FGF14: variants seen among roughly 807,000 people sequenced by gnomAD.
FGF14 encodes fibroblast growth factor 14, also known as fibroblast growth factor homologous factor 4.
A neutral mutation model predicts 25.5 loss-of-function variants in FGF14; 5 were observed. The ratio of observed to expected loss-of-function variants is 0.20; its 90% CI spans 0.10 to 0.41. The LOEUF is 0.41. Ranked by LOEUF, FGF14 falls within the 10% of genes least tolerant of loss-of-function variation. The probability of loss-of-function intolerance (pLI) is 1.00; values close to 1 mark genes in which losing one functional copy is unlikely to be tolerated. For synonymous variants in FGF14, 138 were observed against 118.3 expected (o/e 1.17, Z -1.08); for missense variants, 222 against 320.1 (o/e 0.69, Z 2.34).
chr13:102,326,754 A>AAGGAAGGAAG (rs1566939231), intron 1 of FGF14, among the ~76,000 whole-genome samples: 21 of 76,862 alleles, frequency 2.7e-4, no homozygotes, highest in African/African-American at 5.9e-4. Context: ...AAGGAAGGAA[A>AAGGAAGGAAG]GAGGGAGGGA....
chr13:102,233,126 A>T (rs2051157708), intron 1 of FGF14, among the ~76,000 whole-genome samples: 1 of 151,664 alleles, frequency 6.6e-6, no homozygotes, highest in Non-Finnish European at 1.5e-5. Flanking sequence ...CTAATATGCC[A>T]TTTTTGTTGT....
chr13:102,377,032 C>CTGTA (rs968451858), intron 1 of FGF14, among the ~76,000 whole-genome samples: 2 of 151,976 alleles, frequency 1.3e-5, no homozygotes, highest in Non-Finnish European at 2.9e-5. Flanking sequence ...AGAGAGTTTC[C>CTGTA]TACAAGGTCC....
rs199571011 is a variant in FGF14 at position 102,099,790 on chromosome 13, ATTAT to A, written c.209-224498_209-224495del. ...TATTTATTTAATAAAATTCTTAATA[ATTAT>A]TTGTCAGTAATATTAATAAAATAAT... On this transcript the variant is annotated intron_variant, in intron 1 of 4. Coordinates refer to the FGF14 transcript ENST00000376131. Among the ~76,000 whole-genome samples the A allele has an allele frequency of 5.9e-3, 902 of 152,174 alleles. 5 individuals are homozygous for A. Among genetic ancestry groups the A allele is most frequent in the African/African-American group, 0.019 (769 of 41,538 alleles).
At chr13:101,908,479 T>C (rs1401708129) in intron 1 of FGF14, among the ~76,000 whole-genome samples, 1 of 152,190 alleles carries the variant, frequency 6.6e-6, no homozygotes, top group African/African-American at 2.4e-5. Flanking sequence ...GATTAAATAG[T>C]ACTCAATAGA....
intron 3 of FGF14, among the ~76,000 whole-genome samples, chr13:101,750,026 C>T (rs770642064): frequency 6.6e-6 from 1 of 152,058 alleles, no homozygotes; most frequent in Non-Finnish European, 1.5e-5. Context: ...TCTCCCCTTT[C>T]AAGTGAAGAC....
At chr13:102,371,170 C>G (rs1170068296) in intron 1 of FGF14, among the ~76,000 whole-genome samples, 2 of 152,094 alleles carry the variant, frequency 1.3e-5, no homozygotes, top group Non-Finnish European at 2.9e-5. Flanking sequence ...TATTTAAAAC[C>G]CTGTTGACTA....
At position 101,722,941 on chromosome 13, in the gene FGF14, G is replaced by T. The variant is rs767504138; in HGVS notation, c.634C>A (p.His212Asn). The T allele has an allele frequency of 6.2e-7, 1 of 1,613,288 alleles. No homozygotes were observed. The highest frequency in any genetic ancestry group is 8.5e-7 in the Non-Finnish European group (1 of 1,179,520). ...EVAMYREPSL[H>N]DVGETVPKPG... is the part of the protein sequence containing the mutation. Reference sequence around the variant, plus strand: ...TTCGGGACCGTTTCCCCAACATCATGCAAAGATGGTTCTCGGTACATGGCA... The same window carrying T: ...TTCGGGACCGTTTCCCCAACATCATTCAAAGATGGTTCTCGGTACATGGCA... The change falls in exon 5 of 5, where the codon CAT (histidine) becomes AAT (asparagine). Residue 212 changes from histidine to asparagine, a missense_variant. Transcript: ENST00000376143.
intron 1 of FGF14, among the ~76,000 whole-genome samples, chr13:102,319,290 G>T (rs981919251): frequency 6.6e-6 from 1 of 152,206 alleles, no homozygotes; most frequent in Admixed American, 6.5e-5. Context: ...CTAGATGCAT[G>T]AATCCATGTC....
chr13:101,850,782 T>G (rs1290147985), intron 3 of FGF14, among the ~76,000 whole-genome samples: 1 of 150,366 alleles, frequency 6.7e-6, no homozygotes, highest in Non-Finnish European at 1.5e-5. Context: ...GCCCAATAGA[T>G]TTTTGCTCAA....
intron 4 of FGF14, among the ~76,000 whole-genome samples, chr13:101,724,704 CATT>C (rs2035279857): frequency 1.4e-5 from 2 of 145,882 alleles, no homozygotes; most frequent in Admixed American, 1.4e-4. Context: ...TTTCCAATAA[CATT>C]ATTTATATTC....
intron 1 of FGF14, among the ~76,000 whole-genome samples, chr13:102,174,597 A>G (rs775016450): frequency 5.7e-4 from 87 of 152,316 alleles, no homozygotes; most frequent in Non-Finnish European, 1.1e-3. Context: ...AAATCTCTAC[A>G]AGGAGAACTA....
intron 3 of FGF14, among the ~76,000 whole-genome samples, chr13:101,819,957 A>G (rs114644857): frequency 2.3e-3 from 351 of 152,330 alleles, no homozygotes; most frequent in African/African-American, 8.0e-3. Context: ...GAGCCTCAAC[A>G]TTATACTCAT....
intron 1 of FGF14, among the ~76,000 whole-genome samples, chr13:102,304,387 C>G (rs1001961274): frequency 6.6e-6 from 1 of 152,168 alleles, no homozygotes; most frequent in Non-Finnish European, 1.5e-5. Context: ...ACTCTACATT[C>G]TACCAGCTCC....
intron 1 of FGF14, among the ~76,000 whole-genome samples, chr13:101,928,993 A>G (rs1476715739): frequency 1.3e-5 from 2 of 152,170 alleles, no homozygotes; most frequent in Non-Finnish European, 2.9e-5. Context: ...TAAAAACATA[A>G]TTTTCAGAAA....
intron 1 of FGF14, among the ~76,000 whole-genome samples, chr13:101,876,260 C>T (rs1319883939): frequency 6.6e-6 from 1 of 152,186 alleles, no homozygotes; most frequent in Non-Finnish European, 1.5e-5. Flanking sequence ...ATCCCCATCT[C>T]AGGGATAGAT....
chr13:102,230,109 T>C (rs1370160654), intron 1 of FGF14, among the ~76,000 whole-genome samples: 2 of 152,118 alleles, frequency 1.3e-5, no homozygotes, highest in Non-Finnish European at 1.5e-5. Flanking sequence ...ATAATTGGAA[T>C]TAGTGCTCTT....
intron 1 of FGF14, among the ~76,000 whole-genome samples, chr13:102,329,404 G>T (rs1049867086): frequency 3.3e-5 from 5 of 152,050 alleles, no homozygotes; most frequent in African/African-American, 1.2e-4. Flanking sequence ...CCTCCCGAAA[G>T]ACCTATAGCT....
At chr13:101,987,103 GC>G (rs2038628718) in intron 1 of FGF14, among the ~76,000 whole-genome samples, 1 of 151,904 alleles carries the variant, frequency 6.6e-6, no homozygotes, top group Non-Finnish European at 1.5e-5. Flanking sequence ...CTAACTGGTT[GC>G]CCTTATTCCA....
intron 1 of FGF14, among the ~76,000 whole-genome samples, chr13:102,301,826 TCACACA>T (rs3066038): frequency 0.17 from 24,394 of 139,948 alleles, 2,079 homozygotes; most frequent in Middle Eastern, 0.26. Context: ...TTCCTGTACT[TCACACA>T]CACACACACA....
Sources: gnomAD v4.1 joint callset for allele counts (sites outside exome capture counted in the v4.1 genomes callset) on GRCh38, gnomAD v4.1.1 for gene constraint, MANE v1.5 for transcripts, NCBI Gene and HGNC (gene_info 2026-07-23, HGNC 2026-07-21) for gene names.